ZBBX: variants seen among roughly 807,000 people sequenced by gnomAD.
ZBBX encodes the protein zinc finger B-box domain-containing protein 1.
Under a neutral mutation model 108.5 loss-of-function variants are expected in ZBBX, and 101 were observed. That is an observed-to-expected ratio of 0.93 (90% CI 0.79 to 1.10). ZBBX has a LOEUF of 1.10. Among genes scored for constraint, ZBBX ranks in the 50% least tolerant of loss-of-function variants. ZBBX has a pLI of 0.00. For synonymous variants in ZBBX, 356 were observed against 323.4 expected, an observed-to-expected ratio of 1.10 and a Z score of -1.08; for missense variants, 1,009 against 941.4, an observed-to-expected ratio of 1.07 and a Z score of -0.94.
chr3:167,367,485 C>A (rs1354107826), intron 5 of ZBBX, among the ~76,000 whole-genome samples: 1 of 151,448 alleles, frequency 6.6e-6, no homozygotes, highest in African/African-American at 2.4e-5. Flanking sequence ...GGCTAATTTT[C>A]TTATCACATC....
intron 21 of ZBBX, 63 bp from the exon 22 acceptor site, chr3:167,240,982 C>A: frequency 6.3e-7 from 1 of 1,576,898 alleles, no homozygotes; most frequent in Non-Finnish European, 8.6e-7. Context: ...CTTCATTTAT[C>A]TTCTGATCAA....
chr3:167,355,414 G>C (rs1437815280), intron 8 of ZBBX, among the ~76,000 whole-genome samples: 2 of 151,870 alleles, frequency 1.3e-5, no homozygotes, highest in Non-Finnish European at 2.9e-5. Context: ...GAGGGATTAA[G>C]TCATTTGCTG....
intron 8 of ZBBX, among the ~76,000 whole-genome samples, chr3:167,358,805 G>A (rs561117461): frequency 4.9e-4 from 75 of 151,668 alleles, no homozygotes; most frequent in South Asian, 1.5e-3. Context: ...GCGTGGTGAC[G>A]CGTGCCTATA....
intron 20 of ZBBX, among the ~76,000 whole-genome samples, chr3:167,246,368 C>T (rs1174321841): frequency 6.6e-6 from 1 of 152,178 alleles, no homozygotes; most frequent in Non-Finnish European, 1.5e-5. Context: ...ATTAGATTAG[C>T]ACTTTTACAG....
chr3:167,367,102 T>C (rs1222925201), intron 5 of ZBBX, among the ~76,000 whole-genome samples: 2 of 151,966 alleles, frequency 1.3e-5, no homozygotes, highest in African/African-American at 4.8e-5. Flanking sequence ...AGGTATTTGA[T>C]GGTCATCACT....
In ZBBX at chr3:167,286,724, G is replaced by A. The variant is rs2108547735; in HGVS notation, c.1996+2143C>T. On this transcript the variant is annotated intron_variant, in intron 19 of 21. Coordinates refer to ENST00000675490, the MANE Select transcript of ZBBX (RefSeq NM_001199201.2). ...CTCCCAAATTTCAGACTTAATCAAT[G>A]TTTGGATACAGTTGCCATTTCCAGA... Among the ~76,000 whole-genome samples, 2 of 152,250 alleles carry A rather than the reference G, an allele frequency of 1.3e-5. 1 individual carries two copies. The highest frequency in any genetic ancestry group is 2.9e-5 in the Non-Finnish European group (2 of 67,978).
chr3:167,196,840 AT>A, the ZBBX span, among the ~76,000 whole-genome samples: 1 of 152,132 alleles, frequency 6.6e-6, no homozygotes, highest in Non-Finnish European at 1.5e-5. Flanking sequence ...TTAAAAAAAA[AT>A]GTATCCTTTT....
chr3:167,213,967 T>C, the ZBBX span, among the ~76,000 whole-genome samples: 6 of 152,114 alleles, frequency 3.9e-5, no homozygotes, highest in African/African-American at 1.4e-4. Context: ...ATAAGATCCT[T>C]TTCAGATAAG....
intron 6 of ZBBX, among the ~76,000 whole-genome samples, chr3:167,362,158 C>CATATACATATATAATACATGCATATGTAT (rs1744627591): frequency 1.3e-5 from 2 of 152,094 alleles, no homozygotes; most frequent in South Asian, 2.1e-4. Context: ...TGCGCATGTA[C>CATATACATATATAATACATGCATATGTAT]ATATACATAT....
At chr3:167,385,354 CA>C (rs545885711) in intron 1 of ZBBX, among the ~76,000 whole-genome samples, 5 of 151,326 alleles carry the variant, frequency 3.3e-5, no homozygotes, top group African/African-American at 4.8e-5. Flanking sequence ...GTATAAAAGA[CA>C]AAAAAAATGG....
At chr3:167,226,767 T>C in the ZBBX span, among the ~76,000 whole-genome samples, 1 of 151,730 alleles carries the variant, frequency 6.6e-6, no homozygotes, top group Non-Finnish European at 1.5e-5. Context: ...TAATGACTAC[T>C]TTAGTAGCTC....
At chr3:167,255,167 C>T (rs1353709519) in intron 20 of ZBBX, among the ~76,000 whole-genome samples, 2 of 151,616 alleles carry the variant, frequency 1.3e-5, no homozygotes, top group East Asian at 3.9e-4. Context: ...CTGAACCAAA[C>T]AAAAGTTTAA....
the ZBBX span, among the ~76,000 whole-genome samples, chr3:167,185,378 T>C: frequency 0.013 from 2,030 of 152,200 alleles, 22 homozygotes; most frequent in South Asian, 0.026. Context: ...TTATTAGAGG[T>C]ACAGTAAAAT....
chr3:167,321,977 C>G (rs1259893804), intron 12 of ZBBX, 140 bp downstream of exon 12: 2 of 450,578 alleles, frequency 4.4e-6, no homozygotes, highest in Non-Finnish European at 7.3e-6. Context: ...AGCAACTTCA[C>G]AGGGATTTAA....
the ZBBX span, among the ~76,000 whole-genome samples, chr3:167,224,561 AGAT>A: frequency 6.6e-6 from 1 of 151,942 alleles, no homozygotes. Flanking sequence ...ATTTTATGGT[AGAT>A]AATAAATATG....
intron 1 of ZBBX, among the ~76,000 whole-genome samples, chr3:167,399,180 C>G (rs1318651817): frequency 6.6e-6 from 1 of 152,038 alleles, no homozygotes; most frequent in East Asian, 1.9e-4. Context: ...ATTCACTAAA[C>G]ATTTTGTAAA....
At position 167,314,033 on chromosome 3, in the gene ZBBX, C is replaced by T. The variant is rs770283681; in HGVS notation, c.1358G>A (p.Arg453Lys). 15 of 1,607,760 alleles carry T rather than the reference C, an allele frequency of 9.3e-6. No homozygotes were observed. The South Asian group carries it at 1.6e-4, about 17-fold the overall frequency. ...TCTCAGACAAAGATTTAAGAAGTCT[C>T]TCTTTCCCTTATCGAAAACATGATG... ...HQHHVFDKGKRDFLNLCLRNS... is the reference protein window; with the variant it reads ...HQHHVFDKGKKDFLNLCLRNS... The change falls in exon 16 of 22, where the codon AGA (arginine) becomes AAA (lysine). Residue 453 changes from arginine (R) to lysine (K), a missense_variant. Transcript: ENST00000675490.
intron 5 of ZBBX, chr3:167,367,074 C>A: frequency 2.9e-6 from 1 of 346,108 alleles, no homozygotes; most frequent in Non-Finnish European, 5.8e-6. Context: ...TGTCATTAAA[C>A]GTTAAGAAGG....
chr3:167,235,465 T>C (rs1342396496), downstream of ZBBX, among the ~76,000 whole-genome samples: 1 of 151,588 alleles, frequency 6.6e-6, no homozygotes, highest in Non-Finnish European at 1.5e-5. Context: ...CCCCTGGAAA[T>C]CTTTAAAAGC....
Sources: gnomAD v4.1 joint callset for allele counts (sites outside exome capture counted in the v4.1 genomes callset) on GRCh38, gnomAD v4.1.1 for gene constraint, MANE v1.5 for transcripts, NCBI Gene and HGNC (gene_info 2026-07-23, HGNC 2026-07-21) for gene names.